The following BMPR1A variants were observed in gnomAD, a reference collection of about 807,000 sequenced individuals.
The protein encoded by BMPR1A is bone morphogenetic protein receptor type 1A.
Under a neutral mutation model 66.0 loss-of-function variants are expected in BMPR1A, and 7 were observed. The observed-to-expected ratio is 0.11, with a 90% CI of 0.06 to 0.20. The LOEUF (loss-of-function observed/expected upper bound fraction) is 0.20, where lower values mean the gene tolerates loss of function less well. Among genes scored for constraint, BMPR1A ranks in the 10% least tolerant of loss-of-function variants. BMPR1A has a pLI of 1.00. For synonymous variants in BMPR1A, 200 were observed against 229.7 expected (o/e 0.87, Z 1.17); for missense variants, 408 against 669.1 (o/e 0.61, Z 4.31).
At chr10:86,807,679 A>G (rs1043931970) in intron 1 of BMPR1A, among the ~76,000 whole-genome samples, 20 of 152,202 alleles carry the variant, frequency 1.3e-4, no homozygotes, top group Admixed American at 2.6e-4. Flanking sequence ...CACCATGCCC[A>G]GTCCCCATCT....
chr10:86,811,095 G>A (rs1383251919), intron 1 of BMPR1A, among the ~76,000 whole-genome samples: 1 of 152,144 alleles, frequency 6.6e-6, no homozygotes, highest in African/African-American at 2.4e-5. Context: ...CTGGAGTGCC[G>A]TAGTGCCATC....
At chr10:86,808,403 A>G (rs369940849) in intron 1 of BMPR1A, among the ~76,000 whole-genome samples, 1 of 152,244 alleles carries the variant, frequency 6.6e-6, no homozygotes, top group East Asian at 1.9e-4. Flanking sequence ...CATTGATACT[A>G]TTATATTTTT....
intron 2 of BMPR1A, among the ~76,000 whole-genome samples, chr10:86,874,610 T>C (rs372095349): frequency 6.6e-6 from 1 of 151,940 alleles, no homozygotes; most frequent in African/African-American, 2.4e-5. Flanking sequence ...GGTTTCACTA[T>C]GTTAGCCTGG....
At chr10:86,827,508 C>T (rs1037364034) in intron 1 of BMPR1A, among the ~76,000 whole-genome samples, 1 of 152,100 alleles carries the variant, frequency 6.6e-6, no homozygotes, top group Non-Finnish European at 1.5e-5. Flanking sequence ...TATTCTTTTG[C>T]GTGGCTCATG....
rs1187957708 is a variant in BMPR1A at position 86,926,577 on chromosome 10, G to C, written c.*2858G>C. 1 of 178,580 alleles carries C rather than the reference G, an allele frequency of 5.6e-6. No individual in the cohort carries two copies. The highest frequency in any genetic ancestry group is 1.2e-5 in the Non-Finnish European group (1 of 83,270). The allele number at this position is 178,580 out of a possible 1,614,324, so 11.1% of individuals were successfully genotyped here. On this transcript the variant is annotated 3_prime_UTR_variant, in exon 13 of 13. Coordinates refer to ENST00000372037, the MANE Select transcript of BMPR1A (RefSeq NM_004329.3). ...AAATGTTGCATTAAACTTAGTTCTT[G>C]TCTCTCCTTTCCACTCTTATTCTTA...
intron 2 of BMPR1A, among the ~76,000 whole-genome samples, chr10:86,871,684 C>T (rs1456140081): frequency 6.6e-6 from 1 of 151,858 alleles, no homozygotes; most frequent in Non-Finnish European, 1.5e-5. Context: ...GTGACACGTG[C>T]TTGTGGTCCC....
At chr10:86,844,161 A>G (rs1218791020) in intron 2 of BMPR1A, among the ~76,000 whole-genome samples, 1 of 152,192 alleles carries the variant, frequency 6.6e-6, no homozygotes, top group Non-Finnish European at 1.5e-5. Context: ...ATGTGCAACA[A>G]GTTTTTTTGG....
At chr10:86,842,454 G>A (rs886306835) in intron 2 of BMPR1A, among the ~76,000 whole-genome samples, 13 of 152,086 alleles carry the variant, frequency 8.5e-5, no homozygotes, top group Admixed American at 4.6e-4. Flanking sequence ...AATAATTTTT[G>A]TATGGCTTGA....
At chr10:86,762,600 C>T (rs1589703366) in intron 1 of BMPR1A, among the ~76,000 whole-genome samples, 1 of 152,172 alleles carries the variant, frequency 6.6e-6, no homozygotes, top group Non-Finnish European at 1.5e-5. Flanking sequence ...CTCAGGTGAT[C>T]CTTCCGCCTT....
chr10:86,812,558 A>G (rs1437398900), intron 1 of BMPR1A, among the ~76,000 whole-genome samples: 1 of 152,238 alleles, frequency 6.6e-6, no homozygotes, highest in Non-Finnish European at 1.5e-5. Flanking sequence ...GCATATTCCT[A>G]CAGTGCTGTA....
chr10:86,757,523 C>T (rs1847896118), intron 1 of BMPR1A, among the ~76,000 whole-genome samples: 1 of 152,026 alleles, frequency 6.6e-6, no homozygotes, highest in South Asian at 2.1e-4. Context: ...TTCCAGACTC[C>T]TAGTGGAAAG....
intron 7 of BMPR1A, among the ~76,000 whole-genome samples, chr10:86,900,361 A>G (rs572235228): frequency 6.6e-6 from 1 of 151,902 alleles, no homozygotes. Flanking sequence ...TATTAATGGA[A>G]TAGTGAGCTT....
At chr10:86,912,118 AAGACTAATTTGG>A in intron 7 of BMPR1A, 110 bp from the exon 8 acceptor site, 1 of 1,041,516 alleles carries the variant, frequency 9.6e-7, no homozygotes, top group Non-Finnish European at 1.4e-6. Flanking sequence ...ATCCAATGAT[AAGACTAATTTGG>A]ATAGGATTCT....
chr10:86,889,732 T>G (rs1843120470), intron 3 of BMPR1A: 1 of 268,068 alleles, frequency 3.7e-6, no homozygotes, highest in Non-Finnish European at 7.2e-6. Flanking sequence ...TGCTTTTCCC[T>G]GGTTAAATTA....
At chr10:86,852,592 T>C (rs1245506730) in intron 2 of BMPR1A, among the ~76,000 whole-genome samples, 1 of 152,134 alleles carries the variant, frequency 6.6e-6, no homozygotes, top group Non-Finnish European at 1.5e-5. Context: ...TTAGGACATA[T>C]TAAAACGTGT....
intron 2 of BMPR1A, among the ~76,000 whole-genome samples, chr10:86,857,835 T>C (rs1051116605): frequency 6.6e-6 from 1 of 151,824 alleles, no homozygotes; most frequent in African/African-American, 2.4e-5. Context: ...TTTTTTTAAA[T>C]TAAATTGAGA....
At chr10:86,767,668 C>A (rs1391578903) in intron 1 of BMPR1A, among the ~76,000 whole-genome samples, 1 of 152,146 alleles carries the variant, frequency 6.6e-6, no homozygotes, top group Non-Finnish European at 1.5e-5. Flanking sequence ...CAAAGCAAGA[C>A]CCTGTCTCAA....
At chr10:86,777,739 C>T (rs920674661) in intron 1 of BMPR1A, among the ~76,000 whole-genome samples, 4 of 151,802 alleles carry the variant, frequency 2.6e-5, no homozygotes, top group Non-Finnish European at 5.9e-5. Context: ...TTAGGCCAGG[C>T]GCAGTGGCTC....
In BMPR1A at chr10:86,872,991, T is replaced by C. The variant is rs539153831; in HGVS notation, c.-152-2876T>C. On this transcript the variant is annotated intron_variant, in intron 2 of 12. Transcript: ENST00000372037. Reference sequence around the variant, plus strand: ...AAGGCAGATCCAGAATTTGAACTTATGCCAGGGTAGCAGGGTCGTGGATGT... The same window carrying C: ...AAGGCAGATCCAGAATTTGAACTTACGCCAGGGTAGCAGGGTCGTGGATGT... 2.2e-4 allele frequency among the ~76,000 whole-genome samples: 33 copies of C among 152,316 alleles called. No individual in the cohort carries two copies. In the South Asian group the frequency reaches 6.6e-3, roughly 31 times the overall value.
Sources: gnomAD v4.1 joint callset for allele counts (sites outside exome capture counted in the v4.1 genomes callset) on GRCh38, gnomAD v4.1.1 for gene constraint, MANE v1.5 for transcripts, NCBI Gene and HGNC (gene_info 2026-07-23, HGNC 2026-07-21) for gene names.